The following CCDC175 variants were observed in gnomAD, a reference collection of about 807,000 sequenced individuals.
CCDC175 encodes the protein coiled-coil domain-containing protein 175.
Under a neutral mutation model 114.6 loss-of-function variants are expected in CCDC175, and 100 were observed. The observed-to-expected ratio is 0.87, with a 90% confidence interval of 0.74 to 1.03. The LOEUF (loss-of-function observed/expected upper bound fraction) is 1.03. CCDC175 is among the 50% of genes least tolerant of loss of function. The pLI is 0.00. For missense variants in CCDC175, 880 were observed against 917.8 expected (o/e 0.96, Z 0.53); for synonymous variants, 306 against 308.7 (o/e 0.99, Z 0.09).
chr14:59,538,989 AG>A (rs1262286609), intron 11 of CCDC175, 149 bp from the exon 12 acceptor site: 2 of 656,854 alleles, frequency 3.0e-6, no homozygotes, highest in Non-Finnish European at 4.8e-6. Flanking sequence ...TGCATGAAAA[AG>A]TAAGACAAAA....
At chr14:59,560,848 C>A (rs960304185) in intron 7 of CCDC175, among the ~76,000 whole-genome samples, 2 of 152,102 alleles carry the variant, frequency 1.3e-5, no homozygotes, top group Non-Finnish European at 2.9e-5. Flanking sequence ...GAGTTCGGAA[C>A]TGAAATGAGA....
chr14:59,536,961 TTA>T lies in CCDC175; in HGVS notation c.1623+1060_1623+1061del, dbSNP rs1470119142. 3.3e-5 allele frequency among the ~76,000 whole-genome samples: 5 copies of T among 152,198 alleles called. No homozygotes were observed. The East Asian group carries it at 9.7e-4, about 29-fold the overall frequency. On this transcript the variant is annotated intron_variant, in intron 13 of 19. Transcript: ENST00000537690. ...ATGCCTGGCTAATTTTTTTGTATTT[TTA>T]GTAGAGACGAGGTTTCACTATCTTG...
At chr14:59,557,271 G>A (rs918049082) in intron 7 of CCDC175, among the ~76,000 whole-genome samples, 1 of 152,034 alleles carries the variant, frequency 6.6e-6, no homozygotes, top group African/African-American at 2.4e-5. Flanking sequence ...ATACACCATG[G>A]AATACTATGC....
At chr14:59,544,503 A>T (rs1566617966) in intron 9 of CCDC175, among the ~76,000 whole-genome samples, 1 of 152,084 alleles carries the variant, frequency 6.6e-6, no homozygotes, top group Non-Finnish European at 1.5e-5. Flanking sequence ...TCATCTTCCA[A>T]ACTGCTGTGG....
At position 59,545,362 on chromosome 14, in the gene CCDC175, C is replaced by T. The variant is rs1895040214; in HGVS notation, c.1036-63G>A. ...TTCACTGCTCCTCTGAGGCCATCTG[C>T]ATCAGGTGGCAACTCGGAGAGCACC... On this transcript the variant is annotated intron_variant, in intron 8 of 19. Transcript: ENST00000537690. 6 of 1,454,850 alleles carry T rather than the reference C, an allele frequency of 4.1e-6. No individual in the cohort carries two copies. The South Asian group carries it at 6.5e-5, about 16-fold the overall frequency. 90.1% of individuals were successfully genotyped at this position (1,454,850 alleles called of 1,614,324 possible). A position where few individuals can be genotyped will look rare whatever the true frequency, so the allele number is the denominator to read the frequency against.
chr14:59,517,050 C>G (rs998513952), intron 17 of CCDC175, among the ~76,000 whole-genome samples: 3 of 152,312 alleles, frequency 2.0e-5, no homozygotes, highest in African/African-American at 7.2e-5. Context: ...AGCATACAAA[C>G]AGAACCAAAG....
intron 3 of CCDC175, among the ~76,000 whole-genome samples, chr14:59,570,074 A>C (rs1292655288): frequency 1.3e-5 from 2 of 152,182 alleles, no homozygotes; most frequent in Admixed American, 6.5e-5. Context: ...ACCTGCCCAC[A>C]GAGAGGTGCC....
intron 16 of CCDC175, 142 bp from the exon 17 acceptor site, chr14:59,521,818 A>G (rs1893443470): frequency 3.7e-6 from 2 of 543,414 alleles, no homozygotes; most frequent in Non-Finnish European, 6.5e-6. Flanking sequence ...GGGGAATAAA[A>G]CATACCTTGG....
chr14:59,532,052 A>G (rs964633863), intron 13 of CCDC175, 142 bp from the exon 14 acceptor site: 14 of 561,292 alleles, frequency 2.5e-5, no homozygotes, highest in Middle Eastern at 4.7e-4. Flanking sequence ...GACATATGGC[A>G]TATACTAATC....
chr14:59,553,423 T>C (rs1351761751), intron 7 of CCDC175, among the ~76,000 whole-genome samples: 1 of 152,178 alleles, frequency 6.6e-6, no homozygotes, highest in African/African-American at 2.4e-5. Flanking sequence ...ATGAGAGATT[T>C]TGTCACCACC....
Position 59,523,850 on chromosome 14 carries a change from A to C in CCDC175, c.1995+1432T>G, listed in dbSNP as rs112541571. ...TAAAAATACAAAAAATTAGCCGGGC[A>C]TGGTGGCGGGCACCTGTAGTCCCAG... On this transcript the variant is annotated intron_variant, in intron 16 of 19. Transcript: ENST00000537690. Among the ~76,000 whole-genome samples, 17 of 152,212 alleles carry C rather than the reference A, an allele frequency of 1.1e-4. No individual in the cohort carries two copies. The South Asian group carries it at 3.3e-3, about 30-fold the overall frequency.
At chr14:59,516,021 A>G (rs1361758741) in intron 17 of CCDC175, among the ~76,000 whole-genome samples, 1 of 152,210 alleles carries the variant, frequency 6.6e-6, no homozygotes, top group Non-Finnish European at 1.5e-5. Flanking sequence ...ACTCACTCAA[A>G]ATCGCTCAAC....
chr14:59,576,767 C>T lies in CCDC175; in HGVS notation c.9G>A (p.Leu3=). 1.4e-6 allele frequency: 2 copies of T among 1,443,636 alleles called. No individual in the cohort carries two copies. Among genetic ancestry groups the T allele is most frequent in the Non-Finnish European group, 1.8e-6 (2 of 1,110,476 alleles). 89.4% of individuals were successfully genotyped at this position (1,443,636 alleles called of 1,614,324 possible). A position where few individuals can be genotyped will look rare whatever the true frequency, so the allele number is the denominator to read the frequency against. The stretch of plus-strand genomic sequence containing the variant: ...CGCCCAGCCCTGGGGTCCAGGGGCT[C>T]AGGGCCATTTTGCCGCTCTACTTGA... MA[L]SPWTPGLGAG... Residue 3 remains leucine (L), a synonymous_variant, in exon 1 of 20, where the codon CTG becomes CTA. Transcript: ENST00000537690.
intron 15 of CCDC175, 49 bp downstream of exon 15, chr14:59,527,046 C>A: frequency 9.9e-7 from 1 of 1,014,542 alleles, no homozygotes. Flanking sequence ...CTGTATATAC[C>A]ACTATTCTAA....
At chr14:59,550,747 T>A (rs1047569082) in intron 8 of CCDC175, among the ~76,000 whole-genome samples, 2 of 152,138 alleles carry the variant, frequency 1.3e-5, no homozygotes, top group Non-Finnish European at 2.9e-5. Flanking sequence ...GAGGCTAAGC[T>A]GGTCTAGTCT....
chr14:59,505,477 A>T (rs1292160693), intron 19 of CCDC175, 162 bp from the exon 20 acceptor site: 10 of 404,520 alleles, frequency 2.5e-5, no homozygotes, highest in Non-Finnish European at 4.0e-5. Context: ...GATTACTAGG[A>T]CTATATCTTC....
At chr14:59,514,580 A>G (rs1346982980) in intron 17 of CCDC175, among the ~76,000 whole-genome samples, 1 of 152,244 alleles carries the variant, frequency 6.6e-6, no homozygotes, top group Admixed American at 6.5e-5. Flanking sequence ...TGGAAGATCA[A>G]ATGAATGAAA....
At chr14:59,523,806 G>A (rs10147018) in intron 16 of CCDC175, among the ~76,000 whole-genome samples, 2 of 151,470 alleles carry the variant, frequency 1.3e-5, no homozygotes, top group African/African-American at 4.9e-5. Flanking sequence ...TGGCTAACAC[G>A]GTGAAACCCC....
chr14:59,575,634 C>T (rs1239587928), intron 1 of CCDC175, among the ~76,000 whole-genome samples: 2 of 151,876 alleles, frequency 1.3e-5, no homozygotes, highest in African/African-American at 4.8e-5. Context: ...CTCAGCCTCC[C>T]GAGTAGCTGG....
Sources: allele counts gnomAD v4.1 joint callset (sites outside exome capture counted in the v4.1 genomes callset), GRCh38; gene constraint gnomAD v4.1.1; transcripts MANE v1.5; gene names NCBI Gene and HGNC (gene_info 2026-07-23, HGNC 2026-07-21).